The following SEMA5A variants were observed in gnomAD, a reference collection of about 807,000 sequenced individuals.
SEMA5A encodes the protein semaphorin-5A.
In SEMA5A, 55 loss-of-function variants were observed where a neutral mutation model predicts 135.5. That is an observed-to-expected ratio of 0.41 (90% confidence interval 0.33 to 0.51). The LOEUF is 0.51. Among genes scored for constraint, SEMA5A ranks in the 20% least tolerant of loss-of-function variants. The probability of loss-of-function intolerance (pLI) is 0.37; values close to 1 mark genes in which losing one functional copy is unlikely to be tolerated. For synonymous variants in SEMA5A, 580 were observed against 546.5 expected (o/e 1.06, Z -0.85); for missense variants, 1,290 against 1,419.9 (o/e 0.91, Z 1.47).
intron 2 of SEMA5A, among the ~76,000 whole-genome samples, chr5:9,412,362 G>A (rs2126606842): frequency 6.6e-6 from 1 of 151,918 alleles, no homozygotes; most frequent in East Asian, 1.9e-4. Flanking sequence ...ATACCCAATA[G>A]ACTATGCATG....
chr5:9,270,780 G>GA lies in SEMA5A; in HGVS notation c.271-32891dup, dbSNP rs201821913. Among the ~76,000 whole-genome samples the GA allele has an allele frequency of 9.1e-3, 1,358 of 149,610 alleles. 22 individuals are homozygous for GA. The highest frequency in any genetic ancestry group is 0.032 in the African/African-American group (1,304 of 40,824). On this transcript the variant is annotated intron_variant, in intron 5 of 22. Coordinates refer to ENST00000382496, the MANE Select transcript of SEMA5A (RefSeq NM_003966.3). ...TTACCTGGAACTTCTGGTCAAAAAA[G>GA]AAAAAAAAATAGATTAAATATAAGC...
intron 4 of SEMA5A, among the ~76,000 whole-genome samples, chr5:9,333,434 T>C (rs1252975691): frequency 6.6e-6 from 1 of 152,234 alleles, no homozygotes; most frequent in African/African-American, 2.4e-5. Context: ...AGAATACATA[T>C]CAGAGTAATT....
At chr5:9,081,989 T>G (rs1409720096) in intron 16 of SEMA5A, among the ~76,000 whole-genome samples, 3 of 152,122 alleles carry the variant, frequency 2.0e-5, no homozygotes, top group Non-Finnish European at 4.4e-5. Context: ...AACTGAGAAG[T>G]CTTGGGTTAA....
chr5:9,495,910 T>C (rs1273678481), intron 1 of SEMA5A, among the ~76,000 whole-genome samples: 1 of 152,240 alleles, frequency 6.6e-6, no homozygotes, highest in African/African-American at 2.4e-5. Flanking sequence ...ATTGGTTTAC[T>C]CATTACCCCT....
At chr5:9,305,612 G>A (rs942993418) in intron 5 of SEMA5A, among the ~76,000 whole-genome samples, 8 of 151,328 alleles carry the variant, frequency 5.3e-5, no homozygotes, top group African/African-American at 1.2e-4. Context: ...AAAAGTGTAC[G>A]CCAAAACCCA....
intron 5 of SEMA5A, among the ~76,000 whole-genome samples, chr5:9,307,524 T>A: frequency 6.6e-6 from 1 of 152,266 alleles, no homozygotes; most frequent in Middle Eastern, 3.4e-3. Context: ...CTTTGCTTTT[T>A]ATTTTCACTT....
intron 2 of SEMA5A, among the ~76,000 whole-genome samples, chr5:9,411,063 A>T (rs1757091512): frequency 6.6e-6 from 1 of 152,076 alleles, no homozygotes; most frequent in Non-Finnish European, 1.5e-5. Flanking sequence ...TAACCTAAAT[A>T]AAATAGATTA....
chr5:9,389,311 G>T (rs1340310860), intron 2 of SEMA5A, among the ~76,000 whole-genome samples: 1 of 152,092 alleles, frequency 6.6e-6, no homozygotes, highest in Non-Finnish European at 1.5e-5. Context: ...AAACCCATGT[G>T]ATTTCACATG....
intron 2 of SEMA5A, among the ~76,000 whole-genome samples, chr5:9,388,495 A>G (rs1755996812): frequency 6.6e-6 from 1 of 152,044 alleles, no homozygotes; most frequent in South Asian, 2.1e-4. Context: ...AAAAAGAAAA[A>G]AGTACTTAAA....
Position 9,224,720 on chromosome 5 carries a change from A to T in SEMA5A, c.600T>A (p.Ile200=). 1.9e-6 allele frequency: 3 copies of T among 1,614,128 alleles called. No homozygotes were observed. The highest frequency in any genetic ancestry group is 1.3e-5 in the African/African-American group (1 of 75,024). The part of the protein sequence containing the change: ...RDPAIYRSLG[I]LPPLRTAQYN... ...ACTGCGCCGTGCGGAGAGGAGGTAAAATGCCTAGGCTTCGGTAAATGGCAG... is the reference window on the plus strand; with the variant it reads ...ACTGCGCCGTGCGGAGAGGAGGTAATATGCCTAGGCTTCGGTAAATGGCAG... Residue 200 remains isoleucine, a synonymous_variant, in exon 8 of 23, where the codon ATT becomes ATA. Coordinates refer to ENST00000382496, the MANE Select transcript of SEMA5A (RefSeq NM_003966.3).
At chr5:9,156,082 A>T (rs887581186) in intron 11 of SEMA5A, among the ~76,000 whole-genome samples, 1 of 152,208 alleles carries the variant, frequency 6.6e-6, no homozygotes. Flanking sequence ...ATTTGTGTTC[A>T]TGTAAAAGGG....
At chr5:9,338,660 T>C (rs1050161878) in intron 3 of SEMA5A, among the ~76,000 whole-genome samples, 1 of 152,170 alleles carries the variant, frequency 6.6e-6, no homozygotes, top group Admixed American at 6.5e-5. Flanking sequence ...TTGTCGTTTT[T>C]TCTTGGATTT....
intron 16 of SEMA5A, among the ~76,000 whole-genome samples, chr5:9,086,576 C>T (rs1738706852): frequency 6.6e-6 from 1 of 152,112 alleles, no homozygotes; most frequent in Non-Finnish European, 1.5e-5. Flanking sequence ...TCCAATAAAC[C>T]TCTTTCTTTT....
chr5:9,408,999 C>T lies in SEMA5A; in HGVS notation c.-78+28757G>A, dbSNP rs28491284. Among the ~76,000 whole-genome samples the T allele has an allele frequency of 4.2e-3, 633 of 152,132 alleles. 5 individuals carry two copies. The highest frequency in any genetic ancestry group is 0.014 in the African/African-American group (592 of 41,500). ...AGTTTAGACATCACTGTTTTTACGG[C>T]AAATATTTGTTTTTCACAGACATGG... On this transcript the variant is annotated intron_variant, in intron 2 of 22. Transcript: ENST00000382496.
chr5:9,386,707 G>A (rs530729162), intron 2 of SEMA5A, among the ~76,000 whole-genome samples: 15 of 152,312 alleles, frequency 9.8e-5, no homozygotes, highest in Non-Finnish European at 1.9e-4. Flanking sequence ...AGGTTGCCTT[G>A]GAGAGACCCA....
chr5:9,312,365 T>A (rs935088303), intron 5 of SEMA5A, among the ~76,000 whole-genome samples: 21 of 142,048 alleles, frequency 1.5e-4, no homozygotes, highest in African/African-American at 3.3e-4. Context: ...AAAAAAAAAA[T>A]TATCACAGTC....
intron 5 of SEMA5A, among the ~76,000 whole-genome samples, chr5:9,291,402 A>G (rs1156354476): frequency 1.3e-5 from 2 of 152,186 alleles, no homozygotes; most frequent in East Asian, 3.9e-4. Context: ...AATATGACCG[A>G]AGAGCTCCTT....
At position 9,087,690 on chromosome 5, in the gene SEMA5A, C is replaced by A. The variant is rs547019702; in HGVS notation, c.2073+20450G>T. Among the ~76,000 whole-genome samples the A allele has an allele frequency of 4.6e-5, 7 of 152,082 alleles. No homozygotes were observed. In the East Asian group the frequency reaches 1.4e-3, roughly 29 times the overall value. On this transcript the variant is annotated intron_variant, in intron 16 of 22. Coordinates refer to ENST00000382496, the MANE Select transcript of SEMA5A (RefSeq NM_003966.3). ...TAATATCATAACTTATAATGGAGGT[C>A]ACTTATATGCCAGTTCATATATAAG...
chr5:9,109,206 A>G (rs886983095), intron 15 of SEMA5A, among the ~76,000 whole-genome samples: 1 of 151,044 alleles, frequency 6.6e-6, no homozygotes, highest in Non-Finnish European at 1.5e-5. Flanking sequence ...ACGCCCGGCT[A>G]ATTTTTTGTA....
Sources: allele counts gnomAD v4.1 joint callset (sites outside exome capture counted in the v4.1 genomes callset), GRCh38; gene constraint gnomAD v4.1.1; transcripts MANE v1.5; gene names NCBI Gene and HGNC (gene_info 2026-07-23, HGNC 2026-07-21).